Variants in IL17RD observed in about 807,000 individuals in gnomAD.
The protein encoded by IL17RD is interleukin-17 receptor D.
IL17RD carries 52 observed loss-of-function variants against 80.5 expected under a neutral mutation model. The observed-to-expected ratio is 0.65, with a 90% CI of 0.52 to 0.81. IL17RD has a LOEUF of 0.81. Ranked by LOEUF, IL17RD falls within the 40% of genes least tolerant of loss-of-function variation. IL17RD has a pLI of 0.00. For synonymous variants in IL17RD, 416 were observed against 391.8 expected, an observed-to-expected ratio of 1.06 and a Z score of -0.73; for missense variants, 1,024 against 955.1, an observed-to-expected ratio of 1.07 and a Z score of -0.95.
At chr3:57,118,014 G>T (rs772862790) in intron 2 of IL17RD, among the ~76,000 whole-genome samples, 8 of 152,058 alleles carry the variant, frequency 5.3e-5, no homozygotes, top group Non-Finnish European at 1.0e-4. Context: ...AGTTTTACAC[G>T]GAGAGATCCT....
At chr3:57,162,312 T>C (rs1292719699) in intron 1 of IL17RD, among the ~76,000 whole-genome samples, 1 of 152,238 alleles carries the variant, frequency 6.6e-6, no homozygotes, top group Non-Finnish European at 1.5e-5. Context: ...AGGTTCTGAG[T>C]ATGGCCCAGG....
intron 5 of IL17RD, 129 bp downstream of exon 5, chr3:57,109,408 G>T: frequency 2.1e-6 from 2 of 933,228 alleles, no homozygotes; most frequent in South Asian, 1.7e-5. Flanking sequence ...GCCTCCCAAA[G>T]TGCTGGGATT....
At chr3:57,109,183 C>T (rs1489727550) in intron 5 of IL17RD, among the ~76,000 whole-genome samples, 7 of 152,172 alleles carry the variant, frequency 4.6e-5, no homozygotes, top group African/African-American at 9.7e-5. Flanking sequence ...GAATCTTGCT[C>T]TATCACTCAG....
intron 8 of IL17RD, 24 bp from the exon 9 acceptor site, chr3:57,103,169 TA>T (rs372161063): frequency 2.5e-6 from 4 of 1,580,192 alleles, no homozygotes; most frequent in African/African-American, 2.7e-5. Flanking sequence ...GATGCTGCAT[TA>T]TTTTTTTTTA....
Position 57,114,882 on chromosome 3 carries a change from T to C in IL17RD, c.185-65A>G, listed in dbSNP as rs543552547. ...TTCATTTTTATTTTCAGGTTCATCTTATCAAAATAAACAGGGCATGTCTGA... is the reference window on the plus strand; with the variant it reads ...TTCATTTTTATTTTCAGGTTCATCTCATCAAAATAAACAGGGCATGTCTGA... On this transcript the variant is annotated intron_variant, in intron 2 of 12. Coordinates refer to ENST00000296318, the MANE Select transcript of IL17RD (RefSeq NM_017563.5). The C allele has an allele frequency of 2.5e-5, 34 of 1,371,792 alleles. No homozygotes were observed. In the East Asian group the frequency reaches 8.4e-4, roughly 34 times the overall value. 85.0% of individuals were successfully genotyped at this position (1,371,792 alleles called of 1,614,324 possible).
intron 2 of IL17RD, 56 bp downstream of exon 2, chr3:57,120,200 T>C: frequency 7.4e-7 from 1 of 1,342,794 alleles, no homozygotes; most frequent in Non-Finnish European, 1.1e-6. Context: ...CATGGCTATG[T>C]AATCTCTAGA....
intron 1 of IL17RD, among the ~76,000 whole-genome samples, chr3:57,158,733 C>G (rs546321076): frequency 2.6e-5 from 4 of 152,184 alleles, no homozygotes; most frequent in African/African-American, 4.8e-5. Flanking sequence ...TAGGCCACTT[C>G]ACAAAAACAT....
chr3:57,105,709 A>G, intron 7 of IL17RD, 148 bp downstream of exon 7: 1 of 643,218 alleles, frequency 1.6e-6, no homozygotes, highest in Non-Finnish European at 2.7e-6. Flanking sequence ...GATGGCCCTG[A>G]GACATGCCCA....
In IL17RD at chr3:57,127,401, T is replaced by A. The variant is rs1290438154; in HGVS notation, c.127-7088A>T. ...ATAAATAAATAAATAAATAAATATA[T>A]ATATATATATATTTTTTTTTTGAGA... On this transcript the variant is annotated intron_variant, in intron 1 of 12. Transcript: ENST00000296318. Among the ~76,000 whole-genome samples, 295 of 99,934 alleles carry A rather than the reference T, an allele frequency of 3.0e-3. 67 individuals carry two copies. The highest frequency in any genetic ancestry group is 0.023 in the East Asian group (48 of 2,088). 65.6% of individuals were successfully genotyped at this position (99,934 alleles called of 152,430 possible). A position where few individuals can be genotyped will look rare whatever the true frequency, so the allele number is the denominator to read the frequency against.
Position 57,138,016 on chromosome 3 carries a change from A to T in IL17RD, c.127-17703T>A, listed in dbSNP as rs1579302866. On this transcript the variant is annotated intron_variant, in intron 1 of 12. Coordinates refer to ENST00000296318, the MANE Select transcript of IL17RD (RefSeq NM_017563.5). ...TTGGCACAAAAGGACAGAAAGGACA[A>T]TACTGTATGACTACATTTATATGCG... is the stretch of plus-strand genomic sequence containing the variant. Among the ~76,000 whole-genome samples, 4 of 152,368 alleles carry T rather than the reference A, an allele frequency of 2.6e-5. No homozygotes were observed. In the South Asian group the frequency reaches 8.3e-4, roughly 32 times the overall value.
At chr3:57,124,475 G>GGA (rs1707406885) in intron 1 of IL17RD, among the ~76,000 whole-genome samples, 1 of 152,048 alleles carries the variant, frequency 6.6e-6, no homozygotes, top group Non-Finnish European at 1.5e-5. Flanking sequence ...AATGCAATGA[G>GGA]GAGAGAGAGA....
chr3:57,131,217 T>C (rs1319299363), intron 1 of IL17RD, among the ~76,000 whole-genome samples: 1 of 151,024 alleles, frequency 6.6e-6, no homozygotes, highest in Non-Finnish European at 1.5e-5. Flanking sequence ...GAATCCCAGT[T>C]ACTTGGGAGA....
intron 1 of IL17RD, among the ~76,000 whole-genome samples, chr3:57,148,568 C>T (rs1477568940): frequency 6.6e-6 from 1 of 152,194 alleles, no homozygotes. Context: ...AAAGTCCACA[C>T]TCCCTGAATC....
chr3:57,162,428 T>C (rs1006110860), intron 1 of IL17RD, among the ~76,000 whole-genome samples: 4 of 152,240 alleles, frequency 2.6e-5, no homozygotes, highest in Admixed American at 6.5e-5. Context: ...CCAACATCTA[T>C]GGACTAAGTA....
chr3:57,163,803 A>AGGGGGG (rs1401715931), intron 1 of IL17RD, among the ~76,000 whole-genome samples: 15 of 5,548 alleles, frequency 2.7e-3, no homozygotes, highest in East Asian at 4.9e-3. Flanking sequence ...CGGGGGGGGA[A>AGGGGGG]GGGGGTGGCG....
intron 1 of IL17RD, among the ~76,000 whole-genome samples, chr3:57,147,776 A>T (rs115011763): frequency 6.8e-6 from 1 of 147,002 alleles, no homozygotes; most frequent in Admixed American, 6.6e-5. Context: ...GAAAACAAAC[A>T]TAAGTAAAAA....
intron 1 of IL17RD, among the ~76,000 whole-genome samples, chr3:57,138,939 CAAAAAAAAAA>C (rs1026336884): frequency 5.7e-4 from 23 of 40,492 alleles, no homozygotes; most frequent in African/African-American, 2.0e-3. Context: ...AACTCCATCT[CAAAAAAAAAA>C]AAAAAAAAAA....
intron 1 of IL17RD, among the ~76,000 whole-genome samples, chr3:57,158,135 G>A (rs369378450): frequency 1.3e-5 from 2 of 152,216 alleles, no homozygotes; most frequent in South Asian, 2.1e-4. Context: ...TTTCCATTCC[G>A]TTTTCAAAGT....
intron 1 of IL17RD, among the ~76,000 whole-genome samples, chr3:57,122,034 G>A (rs559007804): frequency 6.6e-6 from 1 of 152,308 alleles, no homozygotes; most frequent in East Asian, 1.9e-4. Context: ...TTATGTCCTA[G>A]GCATGCAGAT....
Sources: gnomAD v4.1 joint callset for allele counts (sites outside exome capture counted in the v4.1 genomes callset) on GRCh38, gnomAD v4.1.1 for gene constraint, MANE v1.5 for transcripts, NCBI Gene and HGNC (gene_info 2026-07-23, HGNC 2026-07-21) for gene names.